The following ZNF676 variants were observed in gnomAD, a reference collection of about 807,000 sequenced individuals.
ZNF676 encodes the protein zinc finger protein 676.
Under a neutral mutation model 6.0 loss-of-function variants are expected in ZNF676, and 4 were observed. That is an observed-to-expected ratio of 0.67 (90% CI 0.33 to 1.53). The LOEUF (loss-of-function observed/expected upper bound fraction) is 1.53. Ranked by LOEUF, ZNF676 falls within the 40% of genes most tolerant of loss-of-function variation. ZNF676 has a pLI of 0.06. For missense variants in ZNF676, 644 were observed against 679.7 expected (o/e 0.95, Z 0.58); for synonymous variants, 198 against 223.1 (o/e 0.89, Z 1.00).
rs375548050 is a variant in ZNF676, at chr19:22,186,696, A to C, written c.131-5110T>G. ...TAAATTGATGGAGGAATATTTACCAAGCAAATGGAAAGCAAAAGAAAGCAG... is the reference window on the plus strand; with the variant it reads ...TAAATTGATGGAGGAATATTTACCACGCAAATGGAAAGCAAAAGAAAGCAG... On this transcript the variant is annotated intron_variant, in intron 2 of 2. Transcript: ENST00000397121. Among the ~76,000 whole-genome samples, 13 of 152,328 alleles carry C rather than the reference A, an allele frequency of 8.5e-5. No homozygotes were observed. In the East Asian group the frequency reaches 2.3e-3, roughly 27 times the overall value.
chr19:22,254,428 G>A, the ZNF676 span, among the ~76,000 whole-genome samples: 1 of 152,152 alleles, frequency 6.6e-6, no homozygotes, highest in African/African-American at 2.4e-5. Flanking sequence ...TCATGGGCAG[G>A]GCACAGGCAG....
chr19:22,240,996 G>A, the ZNF676 span, among the ~76,000 whole-genome samples: 1 of 151,922 alleles, frequency 6.6e-6, no homozygotes, highest in Non-Finnish European at 1.5e-5. Flanking sequence ...TGTCAAAATA[G>A]CCAATGTGGT....
chr19:22,241,652 A>G, the ZNF676 span, among the ~76,000 whole-genome samples: 1 of 151,758 alleles, frequency 6.6e-6, no homozygotes. Flanking sequence ...TATGTTATGC[A>G]TGAGAGTCAG....
At chr19:22,214,985 G>A (rs1208555333) in intron 1 of ZNF676, among the ~76,000 whole-genome samples, 4 of 143,068 alleles carry the variant, frequency 2.8e-5, no homozygotes, top group African/African-American at 1.0e-4. Flanking sequence ...AGCTTCCAGT[G>A]AGCCAAGATT....
intron 1 of ZNF676, among the ~76,000 whole-genome samples, chr19:22,213,640 T>C (rs1599720128): frequency 1.3e-5 from 2 of 151,612 alleles, no homozygotes; most frequent in Non-Finnish European, 2.9e-5. Context: ...TTATGGGAGA[T>C]GAGAGGCTAC....
rs1182215110 is a variant in ZNF676 at position 22,180,185 on chromosome 19, C to T, written c.1532G>A (p.Gly511Asp). 2 of 1,613,094 alleles carry T rather than the reference C, an allele frequency of 1.2e-6. No individual in the cohort carries two copies. Among genetic ancestry groups the T allele is most frequent in the East Asian group, 2.2e-5 (1 of 44,800 alleles). The change falls in exon 3 of 3, where the codon GGC becomes GAC. Residue 511 changes from glycine to aspartate, a missense_variant. Gly to Asp is a moderately conservative substitution (Grantham distance 94, BLOSUM62 -1). This residue lies in a region of ZNF676 where 306 missense variants were observed against 265.4 expected (regional missense o/e 1.15). Coordinates refer to ENST00000397121, the MANE Select transcript of ZNF676 (RefSeq NM_001001411.3). ...GATCGAGGACCAGCTGAAGGCTTTG[C>T]CACATTCTTCACATTTGTAGCGTTT... The part of the protein sequence containing the change: ...GEKRYKCEEC[G>D]KAFSWSSILT...
intron 2 of ZNF676, among the ~76,000 whole-genome samples, chr19:22,190,075 T>C (rs1334414723): frequency 6.6e-6 from 1 of 152,184 alleles, no homozygotes; most frequent in African/African-American, 2.4e-5. Context: ...TGCACATGTA[T>C]GTTTACTGCA....
intron 1 of ZNF676, 135 bp downstream of exon 1, chr19:22,196,465 C>A: frequency 6.5e-7 from 1 of 1,539,700 alleles, no homozygotes; most frequent in Non-Finnish European, 8.9e-7. Context: ...GAGTCCACGA[C>A]CCCTTCTTCC....
the ZNF676 span, among the ~76,000 whole-genome samples, chr19:22,239,528 G>T: frequency 6.6e-6 from 1 of 152,030 alleles, no homozygotes; most frequent in African/African-American, 2.4e-5. Flanking sequence ...TCACCAGTGG[G>T]CTCTGTTTAT....
At chr19:22,217,602 C>CTT (rs71180506), upstream of ZNF676, among the ~76,000 whole-genome samples, 17 of 147,612 alleles carry the variant, frequency 1.2e-4, no homozygotes, top group South Asian at 4.3e-4. Flanking sequence ...TTCTTTTTTC[C>CTT]TTTTTTTTTT....
chr19:22,200,796 A>G (rs2024017946), upstream of ZNF676, among the ~76,000 whole-genome samples: 1 of 152,094 alleles, frequency 6.6e-6, no homozygotes. Flanking sequence ...GTGATCCACC[A>G]TCTTGGCTTC....
chr19:22,239,232 C>T, the ZNF676 span, among the ~76,000 whole-genome samples: 26 of 140,100 alleles, frequency 1.9e-4, no homozygotes, highest in Non-Finnish European at 3.3e-4. Context: ...GATGGAGTCT[C>T]GCTGTGTCAC....
the ZNF676 span, among the ~76,000 whole-genome samples, chr19:22,235,834 T>C: frequency 2.6e-3 from 395 of 151,986 alleles, no homozygotes; most frequent in African/African-American, 8.6e-3. Flanking sequence ...TGAAAGCAAA[T>C]TGCTTCTGGT....
intron 2 of ZNF676, among the ~76,000 whole-genome samples, chr19:22,189,882 C>T (rs2023881286): frequency 6.6e-6 from 1 of 151,826 alleles, no homozygotes; most frequent in South Asian, 2.1e-4. Context: ...ACAGATGCTG[C>T]AAAGATGTGG....
At chr19:22,184,565 G>A (rs1218175922) in intron 2 of ZNF676, among the ~76,000 whole-genome samples, 1 of 152,104 alleles carries the variant, frequency 6.6e-6, no homozygotes, top group African/African-American at 2.4e-5. Flanking sequence ...GGAGTCAAGT[G>A]GCCTGGCTCA....
intron 1 of ZNF676, 98 bp downstream of exon 1, chr19:22,196,502 A>G (rs1201287752): frequency 6.3e-7 from 1 of 1,599,818 alleles, no homozygotes; most frequent in African/African-American, 1.4e-5. Flanking sequence ...CTTTGTCTGT[A>G]TTCTCGCATT....
At chr19:22,214,532 G>T (rs2024163363) in intron 1 of ZNF676, among the ~76,000 whole-genome samples, 1 of 149,400 alleles carries the variant, frequency 6.7e-6, no homozygotes, top group Non-Finnish European at 1.5e-5. Flanking sequence ...CTGGGAGGCG[G>T]AGAGTCCAGT....
At chr19:22,200,410 C>A (rs1439917045), upstream of ZNF676, among the ~76,000 whole-genome samples, 11 of 151,672 alleles carry the variant, frequency 7.3e-5, no homozygotes, top group East Asian at 2.1e-3. Context: ...GTTTTTTGCA[C>A]ATCTATTTAT....
chr19:22,242,349 A>C, the ZNF676 span, among the ~76,000 whole-genome samples: 1 of 151,964 alleles, frequency 6.6e-6, no homozygotes, highest in Non-Finnish European at 1.5e-5. Flanking sequence ...GGCAAGGTGC[A>C]GGCAAAACAA....
Sources: allele counts gnomAD v4.1 joint callset (sites outside exome capture counted in the v4.1 genomes callset), GRCh38; gene constraint gnomAD v4.1.1; regional missense constraint gnomAD v4.1.1; transcripts MANE v1.5; gene names NCBI Gene and HGNC (gene_info 2026-07-23, HGNC 2026-07-21).